The following TENM4 variants were observed in gnomAD, a reference collection of about 807,000 sequenced individuals.
TENM4 encodes teneurin-4.
In TENM4, 82 loss-of-function variants were observed where a neutral mutation model predicts 243.3. The observed-to-expected ratio is 0.34, with a 90% CI of 0.28 to 0.40. The LOEUF is 0.40. Among genes scored for constraint, TENM4 ranks in the 10% least tolerant of loss-of-function variants. The probability of loss-of-function intolerance (pLI) is 1.00; values close to 1 mark genes in which losing one functional copy is unlikely to be tolerated. For synonymous variants in TENM4, 1,412 were observed against 1,456.3 expected, an observed-to-expected ratio of 0.97 and a Z score of 0.69; for missense variants, 3,138 against 3,673.3, an observed-to-expected ratio of 0.85 and a Z score of 3.77.
intron 3 of TENM4, among the ~76,000 whole-genome samples, chr11:79,162,796 C>G (rs1163653281): frequency 2.0e-5 from 3 of 152,172 alleles, no homozygotes; most frequent in Admixed American, 6.5e-5. Flanking sequence ...GGCTCCCAGG[C>G]AGTGTGCAGG....
chr11:79,400,954 C>A (rs1346995118), intron 1 of TENM4, among the ~76,000 whole-genome samples: 1 of 152,202 alleles, frequency 6.6e-6, no homozygotes, highest in Non-Finnish European at 1.5e-5. Context: ...AGACTTGGGA[C>A]AGCAGGTGGC....
At chr11:79,026,360 C>G (rs1349863568) in intron 6 of TENM4, among the ~76,000 whole-genome samples, 1 of 152,162 alleles carries the variant, frequency 6.6e-6, no homozygotes, top group African/African-American at 2.4e-5. Context: ...AGGCAGAGCT[C>G]TTTCTGACAG....
chr11:79,438,362 G>A lies in TENM4; in HGVS notation c.-321+2147C>T, dbSNP rs959695219. On this transcript the variant is annotated intron_variant, in intron 1 of 33. Transcript: ENST00000278550. This position sits in a 1 kb window ranked among gnomAD's most constrained non-coding sequence, Gnocchi z 4.1. ...AAGCGGCGAAACGGGGAGAATAAACGCAACAGAAGCAAACTGCTGTCTGCA... is the reference window on the plus strand; with the variant it reads ...AAGCGGCGAAACGGGGAGAATAAACACAACAGAAGCAAACTGCTGTCTGCA... Among the ~76,000 whole-genome samples the A allele has an allele frequency of 2.6e-5, 4 of 152,184 alleles. No homozygotes were observed. Among genetic ancestry groups the A allele is most frequent in the African/African-American group, 9.7e-5 (4 of 41,446 alleles).
In TENM4 at chr11:78,669,118, T is replaced by C. The variant is rs1252788500; in HGVS notation, c.7227A>G (p.Pro2409=). The change falls in exon 32 of 34, where the codon CCA becomes CCG. Residue 2409 remains proline (P), a synonymous_variant. Coordinates refer to ENST00000278550, the MANE Select transcript of TENM4 (RefSeq NM_001098816.3). The surrounding 1 kb of genome is among the most constrained non-coding windows in gnomAD (Gnocchi z 6.4). ...IIGYHGGLYD[P]LTKLVHMGRR... is the part of the protein sequence containing the mutation. ...GGCCCATGTGGACAAGCTTGGTGAG[T>C]GGATCATAGAGGCCACCATGGTAGC... 6.2e-7 allele frequency: 1 copy of C among 1,613,480 alleles called. No individual in the cohort carries two copies. The highest frequency in any genetic ancestry group is 1.3e-5 in the African/African-American group (1 of 74,846).
chr11:79,426,319 C>T (rs1489396896), intron 1 of TENM4, among the ~76,000 whole-genome samples: 2 of 152,192 alleles, frequency 1.3e-5, no homozygotes, highest in Non-Finnish European at 2.9e-5. Context: ...TGGAGAGGAA[C>T]ATTTGCTTTA....
rs183062625 is a variant in TENM4, at chr11:79,107,569, T to C, written c.-65-37560A>G. Among the ~76,000 whole-genome samples, 10 of 152,346 alleles carry C rather than the reference T, an allele frequency of 6.6e-5. No individual in the cohort carries two copies. The East Asian group carries it at 1.5e-3, about 24-fold the overall frequency. On this transcript the variant is annotated intron_variant, in intron 4 of 33. Transcript: ENST00000278550. ...TCAATCACAGAGGGTCAATGTTCCC[T>C]GATTCAGCAGGGTTTGACCTTGTGT...
intron 21 of TENM4, among the ~76,000 whole-genome samples, chr11:78,730,685 A>G (rs530649114): frequency 1.3e-5 from 2 of 152,364 alleles, no homozygotes; most frequent in South Asian, 4.1e-4. Flanking sequence ...AGAAAGGAAC[A>G]TTAAATCAAT....
chr11:79,285,585 G>C (rs1182010394), intron 2 of TENM4, among the ~76,000 whole-genome samples: 1 of 152,216 alleles, frequency 6.6e-6, no homozygotes, highest in Non-Finnish European at 1.5e-5. Context: ...ATTCATAATA[G>C]TTAAAAATGG....
intron 6 of TENM4, among the ~76,000 whole-genome samples, chr11:78,957,510 A>G (rs1231408823): frequency 6.6e-6 from 1 of 152,236 alleles, no homozygotes; most frequent in African/African-American, 2.4e-5. Context: ...TTGTTTTAAG[A>G]AAACACTTTT....
intron 14 of TENM4, among the ~76,000 whole-genome samples, chr11:78,809,629 C>A (rs576816343): frequency 7.9e-5 from 12 of 152,220 alleles, no homozygotes; most frequent in Admixed American, 2.0e-4. Context: ...TGGGGAGAAG[C>A]GGCCAGCTTG....
chr11:79,192,986 C>T (rs1421970093), intron 3 of TENM4: 1 of 152,328 alleles, frequency 6.6e-6, no homozygotes, highest in African/African-American at 2.4e-5. Flanking sequence ...CAAGGAGCCT[C>T]ACAAGTTCCT....
chr11:79,329,370 A>T (rs1366128995), intron 1 of TENM4, among the ~76,000 whole-genome samples: 2 of 152,206 alleles, frequency 1.3e-5, no homozygotes, highest in Non-Finnish European at 2.9e-5. Flanking sequence ...ACTTTCATTC[A>T]TTCATCAAAT....
intron 14 of TENM4, among the ~76,000 whole-genome samples, chr11:78,808,643 A>G (rs1364936788): frequency 6.6e-6 from 1 of 152,224 alleles, no homozygotes; most frequent in Non-Finnish European, 1.5e-5. Flanking sequence ...ATGCATGCAT[A>G]TATACTTACA....
At chr11:78,915,267 C>T (rs764484628) in intron 6 of TENM4, among the ~76,000 whole-genome samples, 11 of 152,168 alleles carry the variant, frequency 7.2e-5, no homozygotes, top group African/African-American at 9.7e-5. Flanking sequence ...CTTCTCTGAC[C>T]ACTCTCACTC....
At chr11:79,161,109 A>G (rs1862737480) in intron 3 of TENM4, among the ~76,000 whole-genome samples, 1 of 152,200 alleles carries the variant, frequency 6.6e-6, no homozygotes. Context: ...GAACCTTGTG[A>G]AGTAGAACAT....
At chr11:79,039,188 A>G (rs564742700) in intron 6 of TENM4, among the ~76,000 whole-genome samples, 1 of 152,112 alleles carries the variant, frequency 6.6e-6, no homozygotes, top group East Asian at 1.9e-4. Flanking sequence ...AGGTGAAGAA[A>G]CAACCCTTAA....
intron 9 of TENM4, among the ~76,000 whole-genome samples, chr11:78,875,585 C>T (rs1156901017): frequency 7.9e-5 from 12 of 152,156 alleles, no homozygotes; most frequent in African/African-American, 2.2e-4. Context: ...TGCCCCCCAG[C>T]ATATGGGAAG....
At chr11:78,952,803 TGC>T (rs1857131943) in intron 6 of TENM4, among the ~76,000 whole-genome samples, 1 of 152,192 alleles carries the variant, frequency 6.6e-6, no homozygotes, top group Admixed American at 6.5e-5. Context: ...CTCCCCAGGT[TGC>T]TATTCTTATT....
At chr11:78,900,006 C>A (rs560292401) in intron 7 of TENM4, among the ~76,000 whole-genome samples, 1 of 152,222 alleles carries the variant, frequency 6.6e-6, no homozygotes, top group African/African-American at 2.4e-5. Flanking sequence ...GCCATCCCCC[C>A]ACAAGATGTC....
Sources: gnomAD v4.1 joint callset for allele counts (sites outside exome capture counted in the v4.1 genomes callset) on GRCh38, gnomAD v4.1.1 for gene constraint, Gnocchi (gnomAD v3.1) non-coding constraint, MANE v1.5 for transcripts, NCBI Gene and HGNC (gene_info 2026-07-23, HGNC 2026-07-21) for gene names.